PARP4: variants seen among roughly 807,000 people sequenced by gnomAD.
PARP4 encodes the protein poly(ADP-ribose) polymerase family member 4.
PARP4 carries 120 observed loss-of-function variants against 187.7 expected under a neutral mutation model. That is an observed-to-expected ratio of 0.64 (90% CI 0.55 to 0.74). The LOEUF (loss-of-function observed/expected upper bound fraction) is 0.74, where lower values mean the gene tolerates loss of function less well. Among genes scored for constraint, PARP4 ranks in the 30% least tolerant of loss-of-function variants. The probability of loss-of-function intolerance (pLI) is 0.00; values close to 1 mark genes in which losing one functional copy is unlikely to be tolerated. For missense variants in PARP4, 1,836 were observed against 2,070.5 expected, an observed-to-expected ratio of 0.89 and a Z score of 2.20; for synonymous variants, 654 against 740.9, an observed-to-expected ratio of 0.88 and a Z score of 1.90.
chr13:24,462,423 C>A (rs534541580), intron 17 of PARP4, among the ~76,000 whole-genome samples: 1 of 152,352 alleles, frequency 6.6e-6, no homozygotes, highest in Non-Finnish European at 1.5e-5. Flanking sequence ...CCTACACTAA[C>A]CTGAAAGAAC....
At chr13:24,502,196 T>C (rs1396864398) in intron 2 of PARP4, among the ~76,000 whole-genome samples, 1 of 151,746 alleles carries the variant, frequency 6.6e-6, no homozygotes, top group Non-Finnish European at 1.5e-5. Context: ...TTTATTTTGA[T>C]TTGTAATTTT....
In PARP4 at chr13:24,490,738, T is replaced by C; in HGVS notation, c.1144A>G (p.Ile382Val). Residue 382 changes from isoleucine (I) to valine (V), a missense_variant, in exon 10 of 34, where the codon ATT (isoleucine) becomes GTT (valine). Ile to Val is a conservative substitution (Grantham distance 29). Transcript: ENST00000381989. The stretch of plus-strand genomic sequence containing the variant: ...TCAGTATTCTGTTCAACATGCTCAA[T>C]TTTGCACCTCAAAGCTCGGTATTTG... ...LAKYRALRCK[I>V]EHVEQNTEEF... 1 of 1,614,138 alleles carries C rather than the reference T, an allele frequency of 6.2e-7. No homozygotes were observed. The highest frequency in any genetic ancestry group is 8.5e-7 in the Non-Finnish European group (1 of 1,179,970).
chr13:24,494,868 C>A, intron 6 of PARP4, 146 bp from the exon 7 acceptor site: 3 of 542,514 alleles, frequency 5.5e-6, no homozygotes, highest in Non-Finnish European at 9.3e-6. Context: ...AATTCTTTTT[C>A]TTTTCTTTTT....
chr13:24,435,053 T>C lies in PARP4; in HGVS notation c.4088A>G (p.Gln1363Arg). ...AAPPRQFDAS[Q>R]FSQGPVPGTC... is the part of the protein sequence containing the mutation. The stretch of plus-strand genomic sequence containing the variant: ...GCCAGGCACAGGGCCTTGGCTGAAT[T>C]GAGATGCATCAAACTGTCTGGGAGG... The change falls in exon 31 of 34, where the codon CAA becomes CGA. Residue 1363 changes from glutamine (Q) to arginine (R), a missense_variant. Around this residue, in one of 8 missense-constraint regions of PARP4, gnomAD observed 450 missense variants for 439.2 expected, o/e 1.02. Transcript: ENST00000381989. 6.2e-7 allele frequency: 1 copy of C among 1,614,020 alleles called. No homozygotes were observed. Among genetic ancestry groups the C allele is most frequent in the Non-Finnish European group, 8.5e-7 (1 of 1,180,018 alleles).
chr13:24,469,155 T>C, intron 16 of PARP4, 45 bp from the exon 17 acceptor site: 1 of 1,306,048 alleles, frequency 7.7e-7, no homozygotes. Context: ...GAAGAGTGAC[T>C]TCAGGCTTTA....
intron 27 of PARP4, among the ~76,000 whole-genome samples, chr13:24,445,239 G>A (rs931336566): frequency 6.6e-6 from 1 of 151,922 alleles, no homozygotes; most frequent in Non-Finnish European, 1.5e-5. Context: ...ACTTCAGAGG[G>A]AAAGTCTGAA....
chr13:24,487,351 G>A (rs1461231728), intron 10 of PARP4, among the ~76,000 whole-genome samples: 2 of 152,246 alleles, frequency 1.3e-5, no homozygotes, highest in Middle Eastern at 3.4e-3. Context: ...TACTCTCTTG[G>A]GAGGTGACAT....
intron 10 of PARP4, 54 bp downstream of exon 10, chr13:24,490,614 G>A (rs1868586705): frequency 7.4e-7 from 1 of 1,360,074 alleles, no homozygotes; most frequent in Non-Finnish European, 1.0e-6. Context: ...CTTTAACGGA[G>A]TCTCAAAGAG....
intron 1 of PARP4, among the ~76,000 whole-genome samples, chr13:24,505,690 G>A (rs989536654): frequency 2.0e-5 from 3 of 152,134 alleles, no homozygotes; most frequent in Non-Finnish European, 2.9e-5. Context: ...CACCACGCCC[G>A]GCTAATATTT....
Position 24,434,779 on chromosome 13 carries a change from A to G in PARP4, c.4362T>C (p.Tyr1454=), listed in dbSNP as rs760717692. The change falls in exon 31 of 34, where the codon TAT becomes TAC. Residue 1454 remains tyrosine, a synonymous_variant. Transcript: ENST00000381989. The part of the protein sequence containing the change: ...DPDPIRGFGS[Y]HPSASSPFHF... ...GAAAAGGAGAGGAAGCAGAGGGATG[A>G]TAAGACCCAAAACCTCTGATGGGAT... 1.2e-6 allele frequency: 2 copies of G among 1,612,376 alleles called. No homozygotes were observed. Among genetic ancestry groups the G allele is most frequent in the East Asian group, 2.2e-5 (1 of 44,870 alleles).
At chr13:24,426,739 C>G (rs1259258048) in intron 32 of PARP4, 141 bp from the exon 33 acceptor site, 1 of 745,286 alleles carries the variant, frequency 1.3e-6, no homozygotes, top group East Asian at 2.8e-5. Flanking sequence ...AAAAAAAATA[C>G]AAAAAATTAG....
Position 24,490,610 on chromosome 13 carries a change from CG to C in PARP4, c.1214+57del. 2.3e-6 allele frequency: 3 copies of C among 1,310,172 alleles called. No individual in the cohort carries two copies. The South Asian group carries it at 3.8e-5, about 17-fold the overall frequency. 81.2% of individuals were successfully genotyped at this position (1,310,172 alleles called of 1,614,324 possible). ...GTAATTACTGTAATTAGCTCTTTAACGGAGTCTCAAAGAGCATTATATTATA... is the reference window on the plus strand; with the variant it reads ...GTAATTACTGTAATTAGCTCTTTAACGAGTCTCAAAGAGCATTATATTATA... On this transcript the variant is annotated intron_variant, in intron 10 of 33. Coordinates refer to ENST00000381989, the MANE Select transcript of PARP4 (RefSeq NM_006437.4).
At chr13:24,509,370 G>C (rs776753513) in intron 1 of PARP4, among the ~76,000 whole-genome samples, 9 of 151,996 alleles carry the variant, frequency 5.9e-5, no homozygotes, top group Non-Finnish European at 1.0e-4. Context: ...AGCTGGGCAA[G>C]GTGGTACATG....
chr13:24,497,045 G>A (rs1368117968), intron 6 of PARP4, among the ~76,000 whole-genome samples: 1 of 152,100 alleles, frequency 6.6e-6, no homozygotes, highest in Non-Finnish European at 1.5e-5. Context: ...GAAAAAAAAA[G>A]ATAGATCTGT....
Position 24,486,151 on chromosome 13 carries a change from A to T in PARP4, c.1352+17T>A. ...GTGAGCCTGAAATTTTTGAAAAATA[A>T]AGATGGCTACTCTTACCGACACAAG... On this transcript the variant is annotated intron_variant, in intron 11 of 33. Coordinates refer to ENST00000381989, the MANE Select transcript of PARP4 (RefSeq NM_006437.4). The T allele has an allele frequency of 6.3e-7, 1 of 1,581,892 alleles. No homozygotes were observed. The highest frequency in any genetic ancestry group is 1.2e-5 in the South Asian group (1 of 85,058).
At chr13:24,504,681 T>C (rs1485831311) in intron 1 of PARP4, among the ~76,000 whole-genome samples, 3 of 152,048 alleles carry the variant, frequency 2.0e-5, no homozygotes, top group African/African-American at 7.2e-5. Flanking sequence ...TGAAAAATTG[T>C]GTTTAATTTC....
In PARP4 at chr13:24,435,219, ATG is replaced by A. The variant is rs1565988998; in HGVS notation, c.3920_3921del (p.Pro1307LeufsTer7). The stretch of plus-strand genomic sequence containing the variant: ...AAAAAGCTAGAAGTAGATGTTTCCC[ATG>A]GACTGACTTTCTTAAATAGTGGTTC... ...ATEPLFKKVS[P>X]WETSTSSFFP... On this transcript the variant is annotated frameshift_variant, in exon 31 of 34. Coordinates refer to ENST00000381989, the MANE Select transcript of PARP4 (RefSeq NM_006437.4). LOFTEE classifies it high-confidence loss of function. The A allele has an allele frequency of 6.2e-7, 1 of 1,614,174 alleles. No homozygotes were observed. The highest frequency in any genetic ancestry group is 1.3e-5 in the African/African-American group (1 of 75,076).
chr13:24,425,861 G>A (rs1310820527), intron 33 of PARP4, among the ~76,000 whole-genome samples: 2 of 152,014 alleles, frequency 1.3e-5, no homozygotes, highest in African/African-American at 4.8e-5. Flanking sequence ...CATGGGGTCT[G>A]GATGGCATTT....
At chr13:24,471,052 T>C (rs1382611376) in intron 15 of PARP4, among the ~76,000 whole-genome samples, 2 of 152,186 alleles carry the variant, frequency 1.3e-5, no homozygotes, top group African/African-American at 4.8e-5. Flanking sequence ...TGGGCTATGC[T>C]GCCTGCAATG....
Sources: allele counts gnomAD v4.1 joint callset (sites outside exome capture counted in the v4.1 genomes callset), GRCh38; gene constraint gnomAD v4.1.1; regional missense constraint gnomAD v4.1.1; transcripts MANE v1.5; gene names NCBI Gene and HGNC (gene_info 2026-07-23, HGNC 2026-07-21).